The following SAMTOR variants were observed in gnomAD, a reference collection of about 807,000 sequenced individuals.
The protein encoded by SAMTOR is S-adenosylmethionine sensor upstream of mTORC1.
the SAMTOR span, among the ~76,000 whole-genome samples, chr7:112,916,087 G>A: frequency 1.3e-5 from 2 of 152,138 alleles, no homozygotes. Flanking sequence ...GGTCAAAAAA[G>A]TCAAAAACTG....
the SAMTOR span, among the ~76,000 whole-genome samples, chr7:112,888,843 T>C: frequency 2.0e-5 from 3 of 152,184 alleles, no homozygotes; most frequent in Non-Finnish European, 4.4e-5. Context: ...ATCTGACCTT[T>C]ATTTCATCTA....
chr7:112,872,805 TAA>T, the SAMTOR span, among the ~76,000 whole-genome samples: 17 of 135,248 alleles, frequency 1.3e-4, no homozygotes, highest in Non-Finnish European at 8.1e-5. Context: ...AAATCAGTAG[TAA>T]AAAAAAAAAA....
chr7:112,909,547 T>C, the SAMTOR span, among the ~76,000 whole-genome samples: 5 of 152,152 alleles, frequency 3.3e-5, no homozygotes, highest in Non-Finnish European at 7.4e-5. Context: ...AAGCAACTTT[T>C]AAGCATATAT....
the SAMTOR span, chr7:112,821,696 A>C: frequency 6.6e-7 from 1 of 1,508,832 alleles, no homozygotes; most frequent in Non-Finnish European, 8.9e-7. Flanking sequence ...AATTGGTGTA[A>C]GCAATTAGTT....
chr7:112,868,877 C>A, the SAMTOR span, among the ~76,000 whole-genome samples: 1 of 152,288 alleles, frequency 6.6e-6, no homozygotes, highest in East Asian at 1.9e-4. Context: ...CGTGGTTTGA[C>A]TTGCAGCCAG....
At chr7:112,916,897 G>A in the SAMTOR span, among the ~76,000 whole-genome samples, 82 of 151,804 alleles carry the variant, frequency 5.4e-4, no homozygotes, top group African/African-American at 1.7e-3. Flanking sequence ...GGGGAGGGGC[G>A]CCCGCCATTG....
chr7:112,849,458 G>A, the SAMTOR span, among the ~76,000 whole-genome samples: 1 of 152,046 alleles, frequency 6.6e-6, no homozygotes, highest in Non-Finnish European at 1.5e-5. Context: ...GAAATGAGGG[G>A]GTAGAAGTAG....
chr7:112,853,378 T>G, the SAMTOR span, among the ~76,000 whole-genome samples: 1 of 152,148 alleles, frequency 6.6e-6, no homozygotes, highest in Admixed American at 6.5e-5. Context: ...ATATTGTCTT[T>G]TCTTTTCCAA....
chr7:112,915,160 CCCGGGAG>C, the SAMTOR span: 1 of 611,526 alleles, frequency 1.6e-6, no homozygotes, highest in Non-Finnish European at 2.6e-6. Context: ...ACTGATTGAA[CCCGGGAG>C]GTGGAGGTTG....
At chr7:112,892,144 A>G in the SAMTOR span, among the ~76,000 whole-genome samples, 2 of 152,188 alleles carry the variant, frequency 1.3e-5, no homozygotes, top group Non-Finnish European at 2.9e-5. Context: ...TGCCATCTCA[A>G]AAAGACACTT....
At chr7:112,919,848 G>A in the SAMTOR span, among the ~76,000 whole-genome samples, 10 of 152,186 alleles carry the variant, frequency 6.6e-5, no homozygotes, top group Admixed American at 4.6e-4. Flanking sequence ...AGAAAATCTA[G>A]AAGAAATGGA....
chr7:112,921,966 T>G, the SAMTOR span, among the ~76,000 whole-genome samples: 2,072 of 125,984 alleles, frequency 0.016, 37 homozygotes, highest in African/African-American at 0.053. Context: ...TCCCTCTCCC[T>G]CTCCCGCTCC....
chr7:112,892,612 T>C, the SAMTOR span, among the ~76,000 whole-genome samples: 556 of 151,940 alleles, frequency 3.7e-3, 16 homozygotes, highest in Admixed American at 0.033. Context: ...CTATAAAAAA[T>C]TTTAAAAAAG....
chr7:112,823,647 T>C, the SAMTOR span, among the ~76,000 whole-genome samples: 4 of 152,204 alleles, frequency 2.6e-5, no homozygotes, highest in African/African-American at 9.6e-5. Context: ...ATACATGTGT[T>C]TGAATCAACA....
chr7:112,893,383 A>G, the SAMTOR span, among the ~76,000 whole-genome samples: 3 of 152,184 alleles, frequency 2.0e-5, no homozygotes, highest in Non-Finnish European at 2.9e-5. Context: ...CTTGCACTTT[A>G]TGTCATGGAG....
the SAMTOR span, chr7:112,820,645 T>G: frequency 6.6e-6 from 1 of 152,078 alleles, no homozygotes. Flanking sequence ...AGAAAGGCAT[T>G]TATTAATGTG....
the SAMTOR span, among the ~76,000 whole-genome samples, chr7:112,883,972 T>C: frequency 7.9e-5 from 12 of 152,288 alleles, no homozygotes; most frequent in African/African-American, 2.6e-4. Flanking sequence ...CAATTCAGCA[T>C]GGCTGGGGAG....
chr7:112,870,764 A>C, the SAMTOR span, among the ~76,000 whole-genome samples: 2 of 151,564 alleles, frequency 1.3e-5, no homozygotes, highest in Non-Finnish European at 1.5e-5. Flanking sequence ...AAAAAAAAAA[A>C]ACCCACCCAT....
the SAMTOR span, among the ~76,000 whole-genome samples, chr7:112,830,338 A>C: frequency 6.6e-6 from 1 of 152,156 alleles, no homozygotes. Context: ...CTGGAAGAGT[A>C]AGTCCCTTTA....
Sources: gnomAD v4.1 joint callset for allele counts (sites outside exome capture counted in the v4.1 genomes callset) on GRCh38, gnomAD v4.1.1 for gene constraint, MANE v1.5 for transcripts, NCBI Gene and HGNC (gene_info 2026-07-23, HGNC 2026-07-21) for gene names.